Variants in HTT observed in about 807,000 individuals in gnomAD.
HTT encodes huntingtin.
Under a neutral mutation model 362.3 loss-of-function variants are expected in HTT, and 104 were observed. That is an observed-to-expected ratio of 0.29 (90% CI 0.24 to 0.34). The LOEUF (loss-of-function observed/expected upper bound fraction) is 0.34. HTT is among the 10% of genes least tolerant of loss of function. HTT has a pLI of 1.00. For missense variants in HTT, 3,301 were observed against 3,928.6 expected (o/e 0.84, Z 4.27); for synonymous variants, 1,577 against 1,548.7 (o/e 1.02, Z -0.43).
intron 28 of HTT, among the ~76,000 whole-genome samples, chr4:3,159,608 G>A (rs1158945612): frequency 1.3e-5 from 2 of 152,206 alleles, no homozygotes; most frequent in East Asian, 3.8e-4. Flanking sequence ...GCCTGCTTCT[G>A]ACTTCGCCCA....
chr4:3,238,730 G>GGGCCCCCCCCC, intron 65 of HTT, 88 bp from the exon 66 acceptor site: 208 of 1,096,794 alleles, frequency 1.9e-4, no homozygotes, highest in Non-Finnish European at 2.6e-4. Context: ...AATGCCTCTG[G>GGGCCCCCCCCC]CCCCCACCCC....
chr4:3,082,065 A>G (rs1011136518), intron 1 of HTT, among the ~76,000 whole-genome samples: 1 of 151,972 alleles, frequency 6.6e-6, no homozygotes, highest in Non-Finnish European at 1.5e-5. Flanking sequence ...TGCATATACA[A>G]GCATTTAAAT....
rs542611928 is a variant in HTT, at chr4:3,100,448, C to T, written c.468+1054C>T. Among the ~76,000 whole-genome samples, 7 of 152,308 alleles carry T rather than the reference C, an allele frequency of 4.6e-5. No individual in the cohort carries two copies. In the South Asian group the frequency reaches 8.3e-4, roughly 18 times the overall value. ...TAGCACTTTGTTGTTTGGCTAATCA[C>T]GCTTTCTGTGGTCAGGACGCTGGCT... On this transcript the variant is annotated intron_variant, in intron 3 of 66. Coordinates refer to ENST00000355072, the MANE Select transcript of HTT (RefSeq NM_001388492.1).
intron 56 of HTT, among the ~76,000 whole-genome samples, 196 bp downstream of exon 56, chr4:3,224,327 T>C (rs984350831): frequency 2.6e-4 from 40 of 152,150 alleles, no homozygotes; most frequent in African/African-American, 8.4e-4. Flanking sequence ...TGGAAATGAA[T>C]GAGAAGCATT....
chr4:3,235,558 T>C lies in HTT; in HGVS notation c.8572-7T>C. The C allele has an allele frequency of 6.2e-7, 1 of 1,613,346 alleles. No individual in the cohort carries two copies. Among genetic ancestry groups the C allele is most frequent in the Non-Finnish European group, 8.5e-7 (1 of 1,179,458 alleles). ...TCTTTGACACAGAGGCCTTTCTCCC[T>C]GTGCAGATGTGTGGGGTGATGCTGT... On this transcript the variant is annotated splice_region_variant and splice_polypyrimidine_tract_variant and intron_variant, in intron 62 of 66. Transcript: ENST00000355072.
chr4:3,165,616 ACT>A (rs1226927136), intron 29 of HTT, among the ~76,000 whole-genome samples: 1 of 148,518 alleles, frequency 6.7e-6, no homozygotes, highest in Non-Finnish European at 1.5e-5. Context: ...ATTTCTTTTC[ACT>A]CTTTTTTCTC....
chr4:3,083,616 A>G lies in HTT; in HGVS notation c.264-3323A>G, dbSNP rs535613164. Among the ~76,000 whole-genome samples, 27 of 151,864 alleles carry G rather than the reference A, an allele frequency of 1.8e-4. 1 individual carries two copies. In the South Asian group the frequency reaches 5.6e-3, roughly 32 times the overall value. On this transcript the variant is annotated intron_variant, in intron 1 of 66. Transcript: ENST00000355072. ...ATATGTATATATATGCATTTAGATG[A>G]AAAGATCACTTTGACAATACCACAT... is the stretch of plus-strand genomic sequence containing the variant.
At position 3,075,022 on chromosome 4, in the gene HTT, AGCCGCCCCCGCC is replaced by A. The variant is rs759427040; in HGVS notation, c.213_224del (p.Pro73_Pro76del). The A allele has an allele frequency of 1.0e-3, 1,290 of 1,258,016 alleles. 29 individuals carry two copies. Among genetic ancestry groups the A allele is most frequent in the East Asian group, 6.8e-3 (212 of 31,218 alleles). The allele number at this position is 1,258,016 out of a possible 1,614,324, so 77.9% of individuals were successfully genotyped here. ...GCACAGCCGCTGCTGCCTCAGCCGC[AGCCGCCCCCGCC>A]GCCGCCCCCGCCGCCACCCGGCCCG... On this transcript the variant is annotated inframe_deletion, in exon 1 of 67. Coordinates refer to ENST00000355072, the MANE Select transcript of HTT (RefSeq NM_001388492.1).
At chr4:3,161,549 G>T (rs536321705) in intron 29 of HTT, among the ~76,000 whole-genome samples, 1 of 152,318 alleles carries the variant, frequency 6.6e-6, no homozygotes, top group Non-Finnish European at 1.5e-5. Flanking sequence ...CAGTGTAAAA[G>T]TGTTCCTATT....
chr4:3,232,458 T>C (rs1233827701), intron 60 of HTT, among the ~76,000 whole-genome samples: 1 of 152,192 alleles, frequency 6.6e-6, no homozygotes, highest in Non-Finnish European at 1.5e-5. Flanking sequence ...AGATTGAAAG[T>C]GAAGAACGTG....
At chr4:3,172,218 C>A in intron 29 of HTT, 102 bp from the exon 30 acceptor site, 1 of 770,848 alleles carries the variant, frequency 1.3e-6, no homozygotes, top group Non-Finnish European at 2.4e-6. Flanking sequence ...ACTATTTACA[C>A]AATTTAAATG....
chr4:3,156,904 T>C (rs1717176039), intron 27 of HTT, among the ~76,000 whole-genome samples, 168 bp from the exon 28 acceptor site: 1 of 152,244 alleles, frequency 6.6e-6, no homozygotes, highest in Non-Finnish European at 1.5e-5. Flanking sequence ...TCTACTTATG[T>C]TTGTTAGTCA....
At chr4:3,200,181 G>A (rs1300938804) in intron 41 of HTT, among the ~76,000 whole-genome samples, 1 of 152,194 alleles carries the variant, frequency 6.6e-6, no homozygotes, top group African/African-American at 2.4e-5. Context: ...TTCTTTGGCA[G>A]GTTCTTTGAC....
chr4:3,128,311 C>A (rs1715619514), intron 12 of HTT: 1 of 152,134 alleles, frequency 6.6e-6, no homozygotes, highest in Non-Finnish European at 1.5e-5. Flanking sequence ...TTATCTAATA[C>A]CCCTATTGAC....
chr4:3,120,304 A>G (rs1352363958), intron 8 of HTT, among the ~76,000 whole-genome samples: 1 of 152,210 alleles, frequency 6.6e-6, no homozygotes, highest in Admixed American at 6.5e-5. Context: ...TTACACTACA[A>G]AATTATTTGT....
chr4:3,184,266 C>CG (rs1718655018), intron 37 of HTT, among the ~76,000 whole-genome samples: 8 of 151,380 alleles, frequency 5.3e-5, no homozygotes, highest in Admixed American at 5.3e-4. Context: ...AAGGCCCTGG[C>CG]GGGGGGCGGA....
chr4:3,184,274 G>A (rs181431002), intron 37 of HTT, among the ~76,000 whole-genome samples: 11 of 152,132 alleles, frequency 7.2e-5, no homozygotes, highest in Admixed American at 5.2e-4. Flanking sequence ...GGCGGGGGGC[G>A]GACATGCTGT....
chr4:3,140,777 A>T, intron 22 of HTT, 121 bp downstream of exon 22: 1 of 857,578 alleles, frequency 1.2e-6, no homozygotes. Flanking sequence ...AGGATGTTTG[A>T]GTGTAGGTCA....
chr4:3,158,377 T>C (rs1010392691), intron 28 of HTT, among the ~76,000 whole-genome samples: 7 of 152,230 alleles, frequency 4.6e-5, no homozygotes, highest in African/African-American at 1.7e-4. Context: ...TTCTTCTTTA[T>C]TGATTTTGGG....
Sources: allele counts gnomAD v4.1 joint callset (sites outside exome capture counted in the v4.1 genomes callset), GRCh38; gene constraint gnomAD v4.1.1; transcripts MANE v1.5; gene names NCBI Gene and HGNC (gene_info 2026-07-23, HGNC 2026-07-21).